ANKRD50: variants seen among roughly 807,000 people sequenced by gnomAD.
ANKRD50 encodes the protein ankyrin repeat domain 50.
Under a neutral mutation model 112.0 loss-of-function variants are expected in ANKRD50, and 40 were observed. The ratio of observed to expected loss-of-function variants is 0.36; its 90% CI spans 0.28 to 0.46. ANKRD50 has a LOEUF of 0.46. Among genes scored for constraint, ANKRD50 ranks in the 20% least tolerant of loss-of-function variants. The probability of loss-of-function intolerance (pLI) is 1.00; values close to 1 mark genes in which losing one functional copy is unlikely to be tolerated. For missense variants in ANKRD50, 1,487 were observed against 1,701.7 expected (o/e 0.87, Z 2.22); for synonymous variants, 613 against 619.1 (o/e 0.99, Z 0.15).
intron 2 of ANKRD50, among the ~76,000 whole-genome samples, chr4:124,687,153 T>C (rs4410542): frequency 0.042 from 6,473 of 152,310 alleles, 161 homozygotes; most frequent in Middle Eastern, 0.078. Context: ...TATGTATTTG[T>C]TAAAGACAGA....
intron 2 of ANKRD50, among the ~76,000 whole-genome samples, chr4:124,703,732 T>TA (rs1341045664): frequency 6.6e-6 from 1 of 151,328 alleles, no homozygotes; most frequent in African/African-American, 2.4e-5. Flanking sequence ...TGCATTGGGG[T>TA]AAAAACATCC....
At chr4:124,706,201 C>CG (rs1393819883) in intron 2 of ANKRD50, among the ~76,000 whole-genome samples, 1 of 152,060 alleles carries the variant, frequency 6.6e-6, no homozygotes, top group Non-Finnish European at 1.5e-5. Context: ...CAGCTGAACT[C>CG]TACCTAACAC....
In ANKRD50 at chr4:124,683,402, G is replaced by A. The variant is rs1265031806; in HGVS notation, c.513-4497C>T. 4.6e-5 allele frequency among the ~76,000 whole-genome samples: 7 copies of A among 151,804 alleles called. No individual in the cohort carries two copies. In the East Asian group the frequency reaches 9.7e-4, roughly 21 times the overall value. On this transcript the variant is annotated intron_variant, in intron 2 of 4. Coordinates refer to ENST00000504087, the MANE Select transcript of ANKRD50 (RefSeq NM_020337.3). ...CTGTAATGATCAAATCAGGGTAATC[G>A]TGGTACCTATCACCTCAAACATTTA... is the stretch of plus-strand genomic sequence containing the variant.
chr4:124,672,581 T>C (rs768120751), intron 3 of ANKRD50, 47 bp from the exon 4 acceptor site: 13 of 1,320,124 alleles, frequency 9.8e-6, no homozygotes, highest in African/African-American at 3.0e-5. Context: ...AAAAGGATTA[T>C]AGAAGTACCA....
At chr4:124,695,577 T>C (rs1725233174) in intron 2 of ANKRD50, among the ~76,000 whole-genome samples, 1 of 152,288 alleles carries the variant, frequency 6.6e-6, no homozygotes, top group Admixed American at 6.5e-5. Context: ...ATGAAATCTC[T>C]CGTAGTATCT....
intron 3 of ANKRD50, among the ~76,000 whole-genome samples, chr4:124,673,905 G>A (rs1730715245): frequency 1.3e-5 from 2 of 151,984 alleles, no homozygotes; most frequent in South Asian, 4.2e-4. Context: ...ACATATATAT[G>A]TATACACACA....
intron 2 of ANKRD50, among the ~76,000 whole-genome samples, chr4:124,684,525 T>C (rs1456005014): frequency 6.6e-6 from 1 of 152,142 alleles, no homozygotes; most frequent in African/African-American, 2.4e-5. Context: ...ATTCTTTCTA[T>C]ATGCTTATCT....
intron 2 of ANKRD50, among the ~76,000 whole-genome samples, chr4:124,686,822 A>T (rs1001252383): frequency 2.0e-5 from 3 of 152,160 alleles, no homozygotes; most frequent in African/African-American, 7.2e-5. Flanking sequence ...ACAACATATT[A>T]TTAGAAGATT....
chr4:124,711,546 GA>G (rs1224580161), intron 1 of ANKRD50, among the ~76,000 whole-genome samples: 1 of 152,114 alleles, frequency 6.6e-6, no homozygotes, highest in Admixed American at 6.6e-5. Flanking sequence ...AGGAGGGGGG[GA>G]GAAACTTTAC....
chr4:124,681,318 T>C (rs1724880793), intron 2 of ANKRD50, among the ~76,000 whole-genome samples: 1 of 152,208 alleles, frequency 6.6e-6, no homozygotes, highest in African/African-American at 2.4e-5. Flanking sequence ...GGAAAGGTAA[T>C]CAAGGCACAA....
In ANKRD50 at chr4:124,670,242, T is replaced by C. The variant is rs1730605362; in HGVS notation, c.3035A>G (p.Lys1012Arg). 6.2e-7 allele frequency: 1 copy of C among 1,613,850 alleles called. No homozygotes were observed. The highest frequency in any genetic ancestry group is 2.2e-5 in the East Asian group (1 of 44,860). The change falls in exon 4 of 5, where the codon AAG becomes AGG. Residue 1012 changes from lysine to arginine, a missense_variant. This residue lies in a region of ANKRD50 where 1,046 missense variants were observed against 1,269.5 expected (regional missense o/e 0.82). Coordinates refer to ENST00000504087, the MANE Select transcript of ANKRD50 (RefSeq NM_020337.3). ...GGCTGCAGACTGCAAAGCAGAGCGC[T>C]TTTCATTGTCTGCAGCATTGACGTC... ...HADVNAADNE[K>R]RSALQSAAWQ...
rs1055200055 is a variant in ANKRD50, at chr4:124,665,241, T to C, written c.*2277A>G. 1 of 152,332 alleles carries C rather than the reference T, an allele frequency of 6.6e-6. No homozygotes were observed. The highest frequency in any genetic ancestry group is 1.5e-5 in the Non-Finnish European group (1 of 67,870). 9.4% of individuals were successfully genotyped at this position (152,332 alleles called of 1,614,324 possible). ...ATGTTCTATTCCAAAACATAATTTA[T>C]ATAAAAACATCCCGAGGAATACTTA... On this transcript the variant is annotated 3_prime_UTR_variant, in exon 5 of 5. Transcript: ENST00000504087.
chr4:124,694,521 T>C (rs1412854630), intron 2 of ANKRD50, among the ~76,000 whole-genome samples: 2 of 152,170 alleles, frequency 1.3e-5, no homozygotes, highest in African/African-American at 4.8e-5. Flanking sequence ...CTCCCACTTC[T>C]AGCAACAGGA....
At chr4:124,709,864 T>C (rs901676933) in intron 2 of ANKRD50, 136 bp downstream of exon 2, 4 of 1,161,172 alleles carry the variant, frequency 3.4e-6, no homozygotes, top group African/African-American at 1.6e-5. Flanking sequence ...TAAACAGGTA[T>C]ACTCATAACT....
Position 124,670,909 on chromosome 4 carries a change from A to T in ANKRD50, c.2368T>A (p.Ser790Thr), listed in dbSNP as rs770512185. The stretch of plus-strand genomic sequence containing the variant: ...TTTACAACTGATGCATGACCCATAG[A>T]CGCTGCTGCTAAGAGGGGTGTACGG... ...NGRTPLLAAA[S>T]MGHASVVNTL... The change falls in exon 4 of 5, where the codon TCT (serine) becomes ACT (threonine). Residue 790 changes from serine to threonine, a missense_variant. Around this residue, in one of 2 missense-constraint regions of ANKRD50, gnomAD observed 1,046 missense variants for 1,269.5 expected, o/e 0.82. Coordinates refer to ENST00000504087, the MANE Select transcript of ANKRD50 (RefSeq NM_020337.3). 61 of 1,613,728 alleles carry T rather than the reference A, an allele frequency of 3.8e-5. No homozygotes were observed. The highest frequency in any genetic ancestry group is 1.8e-5 in the Non-Finnish European group (21 of 1,179,890).
At chr4:124,677,958 T>C (rs1724761979) in intron 3 of ANKRD50, among the ~76,000 whole-genome samples, 1 of 152,028 alleles carries the variant, frequency 6.6e-6, no homozygotes, top group Admixed American at 6.6e-5. Flanking sequence ...TATATTTTTA[T>C]CAATAACAAC....
In ANKRD50 at chr4:124,664,983, A is replaced by T. The variant is rs1311920143; in HGVS notation, c.*2535T>A. 6.6e-6 allele frequency: 1 copy of T among 152,004 alleles called. No homozygotes were observed. The highest frequency in any genetic ancestry group is 2.4e-5 in the African/African-American group (1 of 41,442). The allele number at this position is 152,004 out of a possible 1,614,324, so 9.4% of individuals were successfully genotyped here. A position where few individuals can be genotyped will look rare whatever the true frequency, so the allele number is the denominator to read the frequency against. Reference sequence around the variant, plus strand: ...ACAGACGGAATGTTATAAAAATGTTATAAGCACATGCCATCATAGTTGTGT... The same window carrying T: ...ACAGACGGAATGTTATAAAAATGTTTTAAGCACATGCCATCATAGTTGTGT... On this transcript the variant is annotated 3_prime_UTR_variant, in exon 5 of 5. Transcript: ENST00000504087.
At position 124,710,201 on chromosome 4, in the gene ANKRD50, T is replaced by C. The variant is rs2110531460; in HGVS notation, c.311A>G (p.His104Arg). ...SSPASLQRGL[H>R]RQALAFHFCK... ...GAAATGAAAGGCCAAAGCTTGGCGA[T>C]GTAAACCTCTCTGCAAACTTGCAGG... The change falls in exon 2 of 5, where the codon CAT becomes CGT. Residue 104 changes from histidine to arginine, a missense_variant. His to Arg is a conservative substitution (Grantham distance 29, BLOSUM62 0). This residue lies in a region of ANKRD50 where 1,046 missense variants were observed against 1,269.5 expected (regional missense o/e 0.82). Transcript: ENST00000504087. 1.9e-6 allele frequency: 3 copies of C among 1,614,236 alleles called. No homozygotes were observed. The highest frequency in any genetic ancestry group is 4.5e-5 in the East Asian group (2 of 44,880).
In ANKRD50 at chr4:124,665,325, A is replaced by G. The variant is rs1730461257; in HGVS notation, c.*2193T>C. The G allele has an allele frequency of 2.6e-5, 4 of 152,496 alleles. No homozygotes were observed. The South Asian group carries it at 8.3e-4, about 32-fold the overall frequency. 9.4% of individuals were successfully genotyped at this position (152,496 alleles called of 1,614,324 possible). On this transcript the variant is annotated 3_prime_UTR_variant, in exon 5 of 5. Coordinates refer to ENST00000504087, the MANE Select transcript of ANKRD50 (RefSeq NM_020337.3). ...TTCCTACCAATTGCTTCAAGTGTAT[A>G]TAGTATGGATATGAAAACAGTTAGC...
Sources: allele counts gnomAD v4.1 joint callset (sites outside exome capture counted in the v4.1 genomes callset), GRCh38; gene constraint gnomAD v4.1.1; regional missense constraint gnomAD v4.1.1; transcripts MANE v1.5; gene names NCBI Gene and HGNC (gene_info 2026-07-23, HGNC 2026-07-21).